Variants in TESK2 observed in about 807,000 individuals in gnomAD.
TESK2 encodes testis associated actin remodelling kinase 2.
In TESK2, 39 loss-of-function variants were observed where a neutral mutation model predicts 57.1. The observed-to-expected ratio is 0.68, with a 90% CI of 0.53 to 0.89. The LOEUF is 0.89. Among genes scored for constraint, TESK2 ranks in the 40% least tolerant of loss-of-function variants. The pLI, the probability that TESK2 is intolerant of heterozygous loss-of-function variation, is 0.00. For synonymous variants in TESK2, 249 were observed against 267.9 expected, an observed-to-expected ratio of 0.93 and a Z score of 0.69; for missense variants, 646 against 732.1, an observed-to-expected ratio of 0.88 and a Z score of 1.36.
At chr1:45,407,903 T>C (rs1200207187) in intron 3 of TESK2, among the ~76,000 whole-genome samples, 1 of 152,206 alleles carries the variant, frequency 6.6e-6, no homozygotes, top group Non-Finnish European at 1.5e-5. Flanking sequence ...CTTCTGAATA[T>C]GGATTTCCAC....
chr1:45,479,049 C>A (rs1250526601), intron 1 of TESK2, among the ~76,000 whole-genome samples: 2 of 151,994 alleles, frequency 1.3e-5, no homozygotes, highest in African/African-American at 2.4e-5. Flanking sequence ...GAATCATGGG[C>A]AAATTATGAA....
At chr1:45,461,577 A>C (rs1385054990) in intron 1 of TESK2, among the ~76,000 whole-genome samples, 1 of 152,228 alleles carries the variant, frequency 6.6e-6, no homozygotes, top group Non-Finnish European at 1.5e-5. Context: ...ACAGAGACTT[A>C]AGTGCAGAGG....
intron 4 of TESK2, among the ~76,000 whole-genome samples, chr1:45,362,994 G>A (rs1247147630): frequency 6.6e-6 from 1 of 152,142 alleles, no homozygotes. Context: ...GAGGCTGGGA[G>A]AAGAGTTAGG....
chr1:45,472,231 G>A (rs564014052), intron 1 of TESK2, among the ~76,000 whole-genome samples: 18 of 139,450 alleles, frequency 1.3e-4, no homozygotes, highest in African/African-American at 3.6e-4. Flanking sequence ...CAGCCTGGGC[G>A]ACAGAGCAAG....
intron 4 of TESK2, among the ~76,000 whole-genome samples, chr1:45,376,525 C>G (rs2149271697): frequency 6.6e-6 from 1 of 152,166 alleles, no homozygotes; most frequent in Admixed American, 6.6e-5. Flanking sequence ...GGCCTTCACA[C>G]TATTTTTGAT....
At chr1:45,349,031 C>T (rs1476357437) in intron 5 of TESK2, among the ~76,000 whole-genome samples, 6 of 151,978 alleles carry the variant, frequency 3.9e-5, no homozygotes, top group African/African-American at 1.5e-4. Context: ...AGGCACCTCA[C>T]CCCACCCGCT....
At chr1:45,485,005 T>C (rs1653399274) in intron 1 of TESK2, among the ~76,000 whole-genome samples, 1 of 151,632 alleles carries the variant, frequency 6.6e-6, no homozygotes, top group African/African-American at 2.4e-5. Context: ...CACTCCAGCC[T>C]GGGCAACAGA....
chr1:45,382,421 TAG>T (rs1648699395), intron 4 of TESK2, among the ~76,000 whole-genome samples: 2 of 152,166 alleles, frequency 1.3e-5, no homozygotes, highest in African/African-American at 4.8e-5. Flanking sequence ...GTATTTTTTG[TAG>T]AGACAGGCTT....
At chr1:45,364,270 T>C (rs908744837) in intron 4 of TESK2, among the ~76,000 whole-genome samples, 6 of 152,190 alleles carry the variant, frequency 3.9e-5, no homozygotes, top group African/African-American at 9.7e-5. Flanking sequence ...TGAGGTCACA[T>C]TGGAGTAGGG....
At chr1:45,465,578 G>C (rs77563619) in intron 1 of TESK2, among the ~76,000 whole-genome samples, 1,772 of 152,268 alleles carry the variant, frequency 0.012, 42 homozygotes, top group African/African-American at 0.04. Context: ...GCTTTGGTAG[G>C]AGTCTTGTTA....
intron 4 of TESK2, among the ~76,000 whole-genome samples, chr1:45,380,739 A>T (rs1024219024): frequency 2.0e-5 from 3 of 152,242 alleles, no homozygotes; most frequent in Non-Finnish European, 2.9e-5. Context: ...AATTCCAGTT[A>T]TATGAGTCCT....
intron 7 of TESK2, 85 bp downstream of exon 7, chr1:45,347,524 T>C: frequency 7.6e-7 from 1 of 1,321,092 alleles, no homozygotes; most frequent in Non-Finnish European, 1.1e-6. Flanking sequence ...GCCACTGCAT[T>C]CCAGCCTGAG....
At chr1:45,440,516 C>A (rs1369338587) in intron 2 of TESK2, among the ~76,000 whole-genome samples, 1 of 151,930 alleles carries the variant, frequency 6.6e-6, no homozygotes, top group African/African-American at 2.4e-5. Flanking sequence ...GAGTTCAAGA[C>A]CAGCCTGGCC....
intron 1 of TESK2, among the ~76,000 whole-genome samples, chr1:45,474,170 C>A (rs115822551): frequency 0.015 from 2,253 of 151,878 alleles, 30 homozygotes; most frequent in Middle Eastern, 0.021. Flanking sequence ...CCTATCTCTA[C>A]CAAAAATACA....
intron 4 of TESK2, among the ~76,000 whole-genome samples, chr1:45,382,973 G>C (rs1236836630): frequency 6.6e-6 from 1 of 152,146 alleles, no homozygotes; most frequent in Non-Finnish European, 1.5e-5. Flanking sequence ...TTACAAAGAA[G>C]ACTCATGGAA....
chr1:45,410,782 T>A (rs79240080), intron 3 of TESK2, among the ~76,000 whole-genome samples: 1 of 151,748 alleles, frequency 6.6e-6, no homozygotes, highest in African/African-American at 2.4e-5. Flanking sequence ...ATTTTTTTTT[T>A]AACATACATG....
intron 8 of TESK2, 43 bp from the exon 9 acceptor site, chr1:45,346,822 C>T: frequency 6.3e-7 from 1 of 1,581,682 alleles, no homozygotes; most frequent in South Asian, 1.1e-5. Context: ...GTTCATTAAT[C>T]CCCCCACCCA....
intron 3 of TESK2, among the ~76,000 whole-genome samples, chr1:45,387,235 C>A (rs1223219711): frequency 6.6e-6 from 1 of 152,102 alleles, no homozygotes; most frequent in East Asian, 1.9e-4. Flanking sequence ...CTGGTTTCAG[C>A]TCTGCCATTA....
At chr1:45,472,139 CT>C (rs1652791391) in intron 1 of TESK2, among the ~76,000 whole-genome samples, 1 of 151,620 alleles carries the variant, frequency 6.6e-6, no homozygotes, top group Non-Finnish European at 1.5e-5. Context: ...GTAGTCCCAG[CT>C]ACTCGGGAGG....
Sources: allele counts gnomAD v4.1 joint callset (sites outside exome capture counted in the v4.1 genomes callset), GRCh38; gene constraint gnomAD v4.1.1; transcripts MANE v1.5; gene names NCBI Gene and HGNC (gene_info 2026-07-23, HGNC 2026-07-21).